The following IPO11 variants were observed in gnomAD, a reference collection of about 807,000 sequenced individuals.
IPO11 encodes importin-11.
Under a neutral mutation model 143.2 loss-of-function variants are expected in IPO11, and 66 were observed. That is an observed-to-expected ratio of 0.46 (90% confidence interval 0.38 to 0.57). IPO11 has a LOEUF of 0.57. Among genes scored for constraint, IPO11 ranks in the 20% least tolerant of loss-of-function variants. IPO11 has a pLI of 0.00. For synonymous variants in IPO11, 385 were observed against 377.8 expected (o/e 1.02, Z -0.22); for missense variants, 1,026 against 1,141.0 (o/e 0.90, Z 1.45).
intron 1 of IPO11, among the ~76,000 whole-genome samples, chr5:62,414,715 T>C (rs192988957): frequency 5.3e-4 from 80 of 152,336 alleles, no homozygotes; most frequent in Non-Finnish European, 7.3e-5. Context: ...AATCCAGAGC[T>C]GCTGAATCAA....
At chr5:62,562,964 G>C (rs1043692806) in intron 27 of IPO11, among the ~76,000 whole-genome samples, 3 of 152,168 alleles carry the variant, frequency 2.0e-5, no homozygotes, top group African/African-American at 7.2e-5. Flanking sequence ...AAAATGTTAA[G>C]TAACATATCT....
At chr5:62,513,223 C>A (rs1222139884) in intron 19 of IPO11, among the ~76,000 whole-genome samples, 1 of 151,956 alleles carries the variant, frequency 6.6e-6, no homozygotes, top group Non-Finnish European at 1.5e-5. Context: ...GCTGACCCCC[C>A]CATCTCCCTC....
intron 15 of IPO11, among the ~76,000 whole-genome samples, chr5:62,493,725 C>A (rs185161743): frequency 6.6e-6 from 1 of 152,092 alleles, no homozygotes; most frequent in East Asian, 1.9e-4. Context: ...CATGCCACCA[C>A]GCCCTGCTAA....
chr5:62,536,602 T>G, intron 22 of IPO11, 100 bp from the exon 23 acceptor site: 1 of 1,353,156 alleles, frequency 7.4e-7, no homozygotes, highest in African/African-American at 1.5e-5. Flanking sequence ...GTTTCTAGAG[T>G]ATGCAAATTA....
intron 5 of IPO11, among the ~76,000 whole-genome samples, chr5:62,462,801 A>T (rs1745410315): frequency 5.3e-5 from 8 of 150,180 alleles, no homozygotes; most frequent in Non-Finnish European, 1.5e-5. Flanking sequence ...TGCCTGTTTT[A>T]TTTGGCTGAC....
At chr5:62,586,398 A>G (rs929372993) in intron 27 of IPO11, among the ~76,000 whole-genome samples, 2 of 151,992 alleles carry the variant, frequency 1.3e-5, no homozygotes, top group African/African-American at 4.8e-5. Flanking sequence ...TTTTATCTTC[A>G]TTTTGATCTG....
intron 5 of IPO11, among the ~76,000 whole-genome samples, chr5:62,464,485 T>G (rs1440469558): frequency 2.6e-5 from 4 of 151,898 alleles, no homozygotes; most frequent in African/African-American, 9.7e-5. Flanking sequence ...TTTGTTTGTT[T>G]TTGAGGCAGG....
At chr5:62,431,072 A>T (rs1484983115) in intron 1 of IPO11, among the ~76,000 whole-genome samples, 2 of 151,266 alleles carry the variant, frequency 1.3e-5, no homozygotes, top group African/African-American at 4.9e-5. Context: ...CGCCTCCTGG[A>T]TTCAAGTGAT....
chr5:62,508,620 GTCTC>G (rs936536530), intron 19 of IPO11, among the ~76,000 whole-genome samples: 10 of 115,246 alleles, frequency 8.7e-5, no homozygotes, highest in Admixed American at 2.1e-4. Flanking sequence ...CCCTCCCTCC[GTCTC>G]TCTCTCTTTC....
chr5:62,589,160 C>T (rs1470113904), intron 27 of IPO11, among the ~76,000 whole-genome samples: 2 of 152,106 alleles, frequency 1.3e-5, no homozygotes, highest in East Asian at 3.9e-4. Flanking sequence ...TTCAGCTGTT[C>T]AGCCTCTACT....
intron 1 of IPO11, among the ~76,000 whole-genome samples, chr5:62,430,561 A>G (rs1452329836): frequency 6.6e-6 from 1 of 152,006 alleles, no homozygotes; most frequent in Non-Finnish European, 1.5e-5. Flanking sequence ...AGCTCAGGCA[A>G]ACTGCCCGCC....
At chr5:62,477,533 A>C (rs992773817) in intron 9 of IPO11, among the ~76,000 whole-genome samples, 1 of 152,320 alleles carries the variant, frequency 6.6e-6, no homozygotes, top group South Asian at 2.1e-4. Context: ...AGTAGCCTCA[A>C]CAACAGAAGT....
intron 29 of IPO11, among the ~76,000 whole-genome samples, chr5:62,620,539 A>G (rs1200605419): frequency 1.3e-5 from 2 of 150,876 alleles, no homozygotes; most frequent in Non-Finnish European, 2.9e-5. Context: ...AAAAAAAAAA[A>G]ATACATTGGT....
chr5:62,469,019 T>C (rs1225895130), intron 6 of IPO11, among the ~76,000 whole-genome samples: 1 of 152,170 alleles, frequency 6.6e-6, no homozygotes, highest in African/African-American at 2.4e-5. Flanking sequence ...ATCCCACAAA[T>C]ATATTTAAAG....
chr5:62,541,224 A>G (rs1742923979), intron 24 of IPO11, among the ~76,000 whole-genome samples: 1 of 151,912 alleles, frequency 6.6e-6, no homozygotes, highest in Non-Finnish European at 1.5e-5. Flanking sequence ...ATACAAAATT[A>G]GCCGGGCATG....
At chr5:62,496,429 C>G (rs1394590827) in intron 16 of IPO11, among the ~76,000 whole-genome samples, 2 of 152,094 alleles carry the variant, frequency 1.3e-5, no homozygotes, top group Non-Finnish European at 2.9e-5. Context: ...GTGGCTACAT[C>G]TCACGTTTAC....
At chr5:62,436,454 A>G (rs1161899474) in intron 1 of IPO11, among the ~76,000 whole-genome samples, 1 of 152,216 alleles carries the variant, frequency 6.6e-6, no homozygotes, top group Non-Finnish European at 1.5e-5. Context: ...CAATATTTTT[A>G]GCTTTCAATT....
chr5:62,481,493 C>T (rs1056830743), intron 9 of IPO11, among the ~76,000 whole-genome samples: 4 of 152,004 alleles, frequency 2.6e-5, no homozygotes, highest in African/African-American at 9.7e-5. Context: ...TTGTCGAAGG[C>T]CTTTTCTGCA....
rs1488962609 is a variant in IPO11, at chr5:62,442,993, C to G, written c.149C>G (p.Thr50Ser). The change falls in exon 3 of 30, where the codon ACC (threonine) becomes AGC (serine). Residue 50 changes from threonine (T) to serine (S), a missense_variant. Thr to Ser is a moderately conservative substitution (Grantham distance 58). Transcript: ENST00000325324. ...GFYSVLLNIF[T>S]NHTLDINVRW... is the part of the protein sequence containing the mutation. ...GTTTTTTATTTATAGAATATTTTCA[C>G]CAACCACACTTTGGATATAAATGTA... 9 of 1,591,940 alleles carry G rather than the reference C, an allele frequency of 5.7e-6. No individual in the cohort carries two copies. Among genetic ancestry groups the G allele is most frequent in the Non-Finnish European group, 6.9e-6 (8 of 1,166,144 alleles).
Sources: allele counts gnomAD v4.1 joint callset (sites outside exome capture counted in the v4.1 genomes callset), GRCh38; gene constraint gnomAD v4.1.1; transcripts MANE v1.5; gene names NCBI Gene and HGNC (gene_info 2026-07-23, HGNC 2026-07-21).